Variants in SASH1 observed in about 807,000 individuals in gnomAD.
The protein encoded by SASH1 is SAM and SH3 domain containing 1.
In SASH1, 44 loss-of-function variants were observed where a neutral mutation model predicts 125.2. The observed-to-expected ratio is 0.35, with a 90% CI of 0.28 to 0.45. The LOEUF (loss-of-function observed/expected upper bound fraction) is 0.45. Ranked by LOEUF, SASH1 falls within the 20% of genes least tolerant of loss-of-function variation. The pLI is 1.00. For missense variants in SASH1, 1,426 were observed against 1,614.5 expected (o/e 0.88, Z 2.00); for synonymous variants, 639 against 649.1 (o/e 0.98, Z 0.24).
rs550888417 is a variant in SASH1, at chr6:148,284,067, A to G, written n.74+11690A>G. On this transcript the variant is annotated intron_variant and non_coding_transcript_variant, in intron 1 of 3. Coordinates refer to the SASH1 transcript ENST00000367469. ...CAAGGATATAATCATTCCAATGACC[A>G]CTATAGGAACCTACCCGAAGATTTT... Among the ~76,000 whole-genome samples the G allele has an allele frequency of 5.3e-4, 80 of 152,302 alleles. 1 individual carries two copies. The highest frequency in any genetic ancestry group is 9.0e-4 in the Non-Finnish European group (61 of 68,034).
chr6:148,344,226 A>G (rs59709198), intron 1 of SASH1, among the ~76,000 whole-genome samples: 12,438 of 152,296 alleles, frequency 0.082, 781 homozygotes, highest in East Asian at 0.32. Context: ...TGGCCAAGTC[A>G]TTCAACCTCT....
chr6:148,259,872 A>G, the SASH1 span, among the ~76,000 whole-genome samples: 124,688 of 151,556 alleles, frequency 0.82, 51,481 homozygotes, highest in African/African-American at 0.89. Flanking sequence ...GTAAAGCTTG[A>G]CTTTTTATCT....
At chr6:148,390,649 G>A (rs1360170502) in intron 2 of SASH1, among the ~76,000 whole-genome samples, 3 of 152,134 alleles carry the variant, frequency 2.0e-5, no homozygotes, top group Admixed American at 6.5e-5. Flanking sequence ...TTAGCCGGGC[G>A]TGGTGATGGG....
Position 148,356,917 on chromosome 6 carries a change from A to G in SASH1, c.156+13694A>G, listed in dbSNP as rs141642905. Among the ~76,000 whole-genome samples the G allele has an allele frequency of 4.1e-3, 626 of 152,076 alleles. 7 individuals carry two copies. The highest frequency in any genetic ancestry group is 0.014 in the African/African-American group (577 of 41,492). Reference sequence around the variant, plus strand: ...AAGGTAGTATTACATTGGGGTTTTGATTTGTATTTCCCTGATAGTGATGTT... The same window carrying G: ...AAGGTAGTATTACATTGGGGTTTTGGTTTGTATTTCCCTGATAGTGATGTT... On this transcript the variant is annotated intron_variant, in intron 1 of 19. Coordinates refer to ENST00000367467, the MANE Select transcript of SASH1 (RefSeq NM_015278.5).
intron 2 of SASH1, among the ~76,000 whole-genome samples, chr6:148,427,259 C>G (rs1000469929): frequency 1.1e-4 from 16 of 152,052 alleles, no homozygotes; most frequent in African/African-American, 3.9e-4. Context: ...GGTCTTTACC[C>G]CTGGGAAATT....
At chr6:148,301,356 C>T (rs1327894536) in intron 1 of SASH1, among the ~76,000 whole-genome samples, 4 of 150,352 alleles carry the variant, frequency 2.7e-5, no homozygotes, top group Admixed American at 2.6e-4. Context: ...AACTCTGCCT[C>T]CTGGGTTTAA....
chr6:148,429,155 T>C (rs566802904), intron 2 of SASH1, among the ~76,000 whole-genome samples: 56 of 152,256 alleles, frequency 3.7e-4, no homozygotes, highest in African/African-American at 1.3e-3. Context: ...AGTGTAACTC[T>C]GCAATCCAAA....
At chr6:148,223,619 T>C in the SASH1 span, among the ~76,000 whole-genome samples, 4 of 152,348 alleles carry the variant, frequency 2.6e-5, no homozygotes, top group African/African-American at 9.6e-5. Context: ...GATTCTATTA[T>C]AACTTCATGT....
chr6:148,235,214 A>G, the SASH1 span, among the ~76,000 whole-genome samples: 5 of 152,184 alleles, frequency 3.3e-5, no homozygotes, highest in South Asian at 8.3e-4. Context: ...GTGTATGTGT[A>G]TGGTGGAGGT....
chr6:148,206,172 G>T, the SASH1 span, among the ~76,000 whole-genome samples: 1 of 151,578 alleles, frequency 6.6e-6, no homozygotes, highest in Non-Finnish European at 1.5e-5. Flanking sequence ...ATGGGCCCTT[G>T]CTGTATTGTC....
In SASH1 at chr6:148,540,451, G is replaced by C. The variant is rs772835775; in HGVS notation, c.2104G>C (p.Asp702His). 2 of 1,613,620 alleles carry C rather than the reference G, an allele frequency of 1.2e-6. No individual in the cohort carries two copies. Among genetic ancestry groups the C allele is most frequent in the Non-Finnish European group, 1.7e-6 (2 of 1,179,772 alleles). Residue 702 changes from aspartate to histidine, a missense_variant, in exon 17 of 20, where the codon GAC becomes CAC. Physicochemically the swap from Asp to His is moderately conservative, Grantham distance 81. Coordinates refer to ENST00000367467, the MANE Select transcript of SASH1 (RefSeq NM_015278.5). The stretch of plus-strand genomic sequence containing the variant: ...CGTGTTCTCTCCTCTAGGTAACAGC[G>C]ACCAGTCAGGATCCCAGGAGAAGCT... ...ELLQEYDSNS[D>H]QSGSQEKLLV...
chr6:148,391,982 TA>T (rs1195446906), intron 2 of SASH1, among the ~76,000 whole-genome samples: 1 of 152,080 alleles, frequency 6.6e-6, no homozygotes, highest in African/African-American at 2.4e-5. Flanking sequence ...CCTCTGCCTT[TA>T]AAAAAATGTT....
intron 1 of SASH1, among the ~76,000 whole-genome samples, chr6:148,349,048 G>C (rs746814544): frequency 3.9e-5 from 6 of 151,938 alleles, no homozygotes; most frequent in Non-Finnish European, 2.9e-5. Context: ...CTAGTGAGAG[G>C]GATAAAAAGG....
chr6:148,240,522 C>G, the SASH1 span, among the ~76,000 whole-genome samples: 1 of 152,122 alleles, frequency 6.6e-6, no homozygotes, highest in Non-Finnish European at 1.5e-5. Context: ...AGTGATGGAA[C>G]CCAGAATCTT....
chr6:148,318,517 T>C (rs1243401848), intron 1 of SASH1, among the ~76,000 whole-genome samples: 1 of 152,020 alleles, frequency 6.6e-6, no homozygotes, highest in Non-Finnish European at 1.5e-5. Context: ...TGGCAGCTTC[T>C]TTTCTCACCT....
At chr6:148,327,347 C>T (rs188645205) in intron 1 of SASH1, among the ~76,000 whole-genome samples, 383 of 150,854 alleles carry the variant, frequency 2.5e-3, no homozygotes, top group Non-Finnish European at 3.7e-3. Flanking sequence ...TGCAGTAGCA[C>T]GATCTCGGCT....
At chr6:148,254,983 A>G in the SASH1 span, among the ~76,000 whole-genome samples, 1 of 152,256 alleles carries the variant, frequency 6.6e-6, no homozygotes, top group Non-Finnish European at 1.5e-5. Flanking sequence ...GAATGGATAA[A>G]CCAAATGAGA....
chr6:148,521,840 C>T (rs761644357), intron 10 of SASH1, among the ~76,000 whole-genome samples: 5 of 152,226 alleles, frequency 3.3e-5, no homozygotes, highest in Non-Finnish European at 5.9e-5. Flanking sequence ...ATAGAACAGA[C>T]GCACTTCTTC....
At chr6:148,414,668 T>G (rs1784753249) in intron 2 of SASH1, among the ~76,000 whole-genome samples, 2 of 151,870 alleles carry the variant, frequency 1.3e-5, no homozygotes, top group Non-Finnish European at 2.9e-5. Flanking sequence ...TCTTTTTTTT[T>G]ATTTTTTATT....
Sources: allele counts gnomAD v4.1 joint callset (sites outside exome capture counted in the v4.1 genomes callset), GRCh38; gene constraint gnomAD v4.1.1; transcripts MANE v1.5; gene names NCBI Gene and HGNC (gene_info 2026-07-23, HGNC 2026-07-21).